The following F13A1 variants were observed in gnomAD, a reference collection of about 807,000 sequenced individuals.
The protein encoded by F13A1 is FSF, A subunit.
F13A1 carries 47 observed loss-of-function variants against 80.1 expected under a neutral mutation model. The observed-to-expected ratio is 0.59, with a 90% CI of 0.46 to 0.75. The LOEUF (loss-of-function observed/expected upper bound fraction) is 0.75. Among genes scored for constraint, F13A1 ranks in the 30% least tolerant of loss-of-function variants. F13A1 has a pLI of 0.00. For missense variants in F13A1, 817 were observed against 930.4 expected, an observed-to-expected ratio of 0.88 and a Z score of 1.59; for synonymous variants, 349 against 344.9, an observed-to-expected ratio of 1.01 and a Z score of -0.13.
In F13A1 at chr6:6,145,406, G is replaced by T; in HGVS notation, c.*213C>A. 1 of 620,804 alleles carries T rather than the reference G, an allele frequency of 1.6e-6. No individual in the cohort carries two copies. The highest frequency in any genetic ancestry group is 2.9e-6 in the Non-Finnish European group (1 of 346,324). 38.5% of individuals were successfully genotyped at this position (620,804 alleles called of 1,614,324 possible). A position where few individuals can be genotyped will look rare whatever the true frequency, so the allele number is the denominator to read the frequency against. ...AGCTAATGCTTAGCACTCTTTGGAAGGTGGAGAGATTAAAAACTAACTTCC... is the reference window on the plus strand; with the variant it reads ...AGCTAATGCTTAGCACTCTTTGGAATGTGGAGAGATTAAAAACTAACTTCC... On this transcript the variant is annotated 3_prime_UTR_variant, in exon 15 of 15. Transcript: ENST00000264870.
intron 1 of F13A1, among the ~76,000 whole-genome samples, chr6:6,318,944 A>C (rs927170538): frequency 6.6e-6 from 1 of 152,236 alleles, no homozygotes; most frequent in African/African-American, 2.4e-5. Context: ...GCTTATTCAA[A>C]GAAATTTAAA....
chr6:6,195,951 T>G (rs1396451355), intron 9 of F13A1, 66 bp from the exon 10 acceptor site: 1 of 1,389,518 alleles, frequency 7.2e-7, no homozygotes, highest in African/African-American at 1.4e-5. Context: ...TACTGCAAGA[T>G]TCATGGCACT....
At chr6:6,196,442 G>C (rs1761292836) in intron 9 of F13A1, among the ~76,000 whole-genome samples, 1 of 152,190 alleles carries the variant, frequency 6.6e-6, no homozygotes, top group Non-Finnish European at 1.5e-5. Flanking sequence ...GAGATTAGCT[G>C]CTATTAGTCA....
At chr6:6,264,787 A>G (rs948692869) in intron 4 of F13A1, among the ~76,000 whole-genome samples, 26 of 152,234 alleles carry the variant, frequency 1.7e-4, no homozygotes, top group African/African-American at 5.8e-4. Context: ...ATCTGGTTTT[A>G]AGATTACTAT....
intron 3 of F13A1, among the ~76,000 whole-genome samples, chr6:6,301,842 C>T (rs1758436852): frequency 6.6e-6 from 1 of 152,122 alleles, no homozygotes; most frequent in Non-Finnish European, 1.5e-5. Context: ...ATAACAGGCC[C>T]ATGCCCTTGG....
chr6:6,235,067 C>G (rs1185826037), intron 6 of F13A1, among the ~76,000 whole-genome samples: 2 of 151,920 alleles, frequency 1.3e-5, no homozygotes, highest in African/African-American at 4.8e-5. Context: ...AATGAGGTGG[C>G]ATCAATTGGA....
chr6:6,313,419 GAAAAAA>G (rs71312606), intron 2 of F13A1, among the ~76,000 whole-genome samples: 3 of 151,532 alleles, frequency 2.0e-5, no homozygotes, highest in African/African-American at 7.3e-5. Flanking sequence ...TTAAAGAAAA[GAAAAAA>G]ATCTCCGGAG....
intron 3 of F13A1, among the ~76,000 whole-genome samples, chr6:6,298,577 T>A (rs1212378150): frequency 6.8e-6 from 1 of 146,462 alleles, no homozygotes; most frequent in Admixed American, 6.7e-5. Context: ...CAACCCCTGC[T>A]TTTTTTTGTT....
chr6:6,165,881 T>C (rs1005457713), intron 13 of F13A1, among the ~76,000 whole-genome samples: 9 of 152,246 alleles, frequency 5.9e-5, no homozygotes, highest in Admixed American at 2.0e-4. Flanking sequence ...CACAACGCCA[T>C]GGTGGGCCTG....
At chr6:6,221,865 C>T (rs554182824) in intron 8 of F13A1, among the ~76,000 whole-genome samples, 168 bp downstream of exon 8, 243 of 152,308 alleles carry the variant, frequency 1.6e-3, no homozygotes, top group African/African-American at 5.5e-3. Flanking sequence ...TCTTCAGTAA[C>T]ATTTCTAATC....
chr6:6,214,704 A>G, intron 8 of F13A1, among the ~76,000 whole-genome samples: 7 of 90,078 alleles, frequency 7.8e-5, no homozygotes, highest in African/African-American at 2.9e-4. Context: ...GGAAATAGAG[A>G]CACAAAAAAC....
At chr6:6,191,977 T>C (rs1439134954) in intron 10 of F13A1, among the ~76,000 whole-genome samples, 1 of 152,146 alleles carries the variant, frequency 6.6e-6, no homozygotes, top group African/African-American at 2.4e-5. Context: ...TTTGAAGAGG[T>C]GACCAGAGCA....
chr6:6,150,758 G>A (rs769036842), intron 14 of F13A1, among the ~76,000 whole-genome samples: 1 of 152,184 alleles, frequency 6.6e-6, no homozygotes, highest in Non-Finnish European at 1.5e-5. Context: ...GGACTTATTT[G>A]TGGTAGAAAT....
At chr6:6,172,336 CTG>C (rs1760790889) in intron 12 of F13A1, among the ~76,000 whole-genome samples, 1 of 152,222 alleles carries the variant, frequency 6.6e-6, no homozygotes, top group Non-Finnish European at 1.5e-5. Context: ...ATCCCCATGA[CTG>C]TTGTCCTCTT....
intron 8 of F13A1, chr6:6,206,577 T>C (rs1414133289): frequency 1.2e-5 from 6 of 508,054 alleles, no homozygotes; most frequent in Non-Finnish European, 2.0e-5. Context: ...TTTGGAGACA[T>C]TCCAGCAGCA....
intron 3 of F13A1, among the ~76,000 whole-genome samples, chr6:6,296,877 G>A (rs1758336744): frequency 6.7e-6 from 1 of 148,708 alleles, no homozygotes; most frequent in African/African-American, 2.6e-5. Flanking sequence ...GATATTGGCT[G>A]TGGGTTTGTC....
At chr6:6,246,079 T>C (rs748478558) in intron 6 of F13A1, among the ~76,000 whole-genome samples, 23 of 152,016 alleles carry the variant, frequency 1.5e-4, no homozygotes, top group Non-Finnish European at 2.9e-4. Context: ...CATTTTCTTG[T>C]GGGCTCTCTA....
intron 8 of F13A1, among the ~76,000 whole-genome samples, chr6:6,212,061 C>G (rs550542765): frequency 1.4e-4 from 21 of 152,376 alleles, no homozygotes; most frequent in African/African-American, 5.0e-4. Context: ...GCTAGCACAG[C>G]AGTCTGAGAT....
chr6:6,289,871 G>GT (rs1425833007), intron 3 of F13A1, among the ~76,000 whole-genome samples: 2 of 149,728 alleles, frequency 1.3e-5, no homozygotes, highest in South Asian at 2.1e-4. Flanking sequence ...ATTTCTATTC[G>GT]TTTTTTGAGA....
Sources: allele counts gnomAD v4.1 joint callset (sites outside exome capture counted in the v4.1 genomes callset), GRCh38; gene constraint gnomAD v4.1.1; transcripts MANE v1.5; gene names NCBI Gene and HGNC (gene_info 2026-07-23, HGNC 2026-07-21).